Variants in SBF2 observed in about 807,000 individuals in gnomAD.
SBF2 encodes the protein SET binding factor 2.
In SBF2, 112 loss-of-function variants were observed where a neutral mutation model predicts 225.2. The ratio of observed to expected loss-of-function variants is 0.50; its 90% CI spans 0.43 to 0.58. The LOEUF (loss-of-function observed/expected upper bound fraction) is 0.58. SBF2 is among the 20% of genes least tolerant of loss of function. The pLI, the probability that SBF2 is intolerant of heterozygous loss-of-function variation, is 0.00. For missense variants in SBF2, 1,996 were observed against 2,206.2 expected (o/e 0.90, Z 1.91); for synonymous variants, 763 against 773.3 (o/e 0.99, Z 0.22).
Position 10,179,379 on chromosome 11 carries a change from CAAAAAAACAA to C in SBF2, c.141+14513_141+14522del, listed in dbSNP as rs1555065618. 4.2e-5 allele frequency among the ~76,000 whole-genome samples: 5 copies of C among 117,948 alleles called. No individual in the cohort carries two copies. The East Asian group carries it at 6.5e-4, about 15-fold the overall frequency. The allele number at this position is 117,948 out of a possible 152,430, so 77.4% of individuals were successfully genotyped here. A position where few individuals can be genotyped will look rare whatever the true frequency, so the allele number is the denominator to read the frequency against. On this transcript the variant is annotated intron_variant, in intron 2 of 39. Coordinates refer to ENST00000256190, the MANE Select transcript of SBF2 (RefSeq NM_030962.4). The stretch of plus-strand genomic sequence containing the variant: ...TTAAAAAACAAACAAAAAACAAAAA[CAAAAAAACAA>C]AAAAAAACAAAAACAAAACAAACAA...
intron 13 of SBF2, among the ~76,000 whole-genome samples, chr11:9,976,214 C>T (rs984847447): frequency 5.9e-5 from 9 of 151,852 alleles, no homozygotes; most frequent in African/African-American, 2.2e-4. Flanking sequence ...GCTGGGATTA[C>T]AGGCACATGC....
chr11:9,924,926 T>C (rs897743867), intron 16 of SBF2, among the ~76,000 whole-genome samples: 41 of 151,956 alleles, frequency 2.7e-4, no homozygotes, highest in African/African-American at 9.9e-4. Flanking sequence ...TTTTTTTATG[T>C]TTTGCAGAGA....
chr11:9,850,934 G>A (rs1856881385), intron 21 of SBF2, among the ~76,000 whole-genome samples: 1 of 151,996 alleles, frequency 6.6e-6, no homozygotes, highest in South Asian at 2.1e-4. Flanking sequence ...TCAGGAGTTC[G>A]AGACCAGCCT....
intron 2 of SBF2, among the ~76,000 whole-genome samples, chr11:10,063,001 G>T (rs1437192645): frequency 6.6e-6 from 1 of 152,144 alleles, no homozygotes; most frequent in Non-Finnish European, 1.5e-5. Flanking sequence ...GGAATATCAT[G>T]CAGCCATAAA....
intron 1 of SBF2, among the ~76,000 whole-genome samples, chr11:10,287,276 T>C (rs1375937165): frequency 3.9e-5 from 6 of 152,206 alleles, no homozygotes; most frequent in African/African-American, 1.4e-4. Context: ...GTTCCCTATC[T>C]ATCTATCTAT....
intron 1 of SBF2, among the ~76,000 whole-genome samples, chr11:10,207,937 T>C (rs547326616): frequency 5.3e-5 from 8 of 152,260 alleles, no homozygotes; most frequent in African/African-American, 1.7e-4. Flanking sequence ...AAAACACCAG[T>C]ACATTAAAGC....
At chr11:10,009,455 T>C (rs1948347244) in intron 6 of SBF2, among the ~76,000 whole-genome samples, 1 of 149,140 alleles carries the variant, frequency 6.7e-6, no homozygotes, top group Non-Finnish European at 1.5e-5. Flanking sequence ...TTCCCCTCCC[T>C]GTGTCCATGT....
chr11:9,848,135 G>A (rs748838634), intron 22 of SBF2, among the ~76,000 whole-genome samples: 4 of 152,056 alleles, frequency 2.6e-5, no homozygotes, highest in Non-Finnish European at 5.9e-5. Flanking sequence ...TTATTTAACA[G>A]CTCATACATT....
chr11:9,976,072 CTTTTTTTTT>C (rs773334975), intron 13 of SBF2, among the ~76,000 whole-genome samples: 2 of 128,262 alleles, frequency 1.6e-5, no homozygotes, highest in Non-Finnish European at 3.3e-5. Context: ...TCTTCTTCTT[CTTTTTTTTT>C]TTTTTTTTTT....
intron 1 of SBF2, among the ~76,000 whole-genome samples, chr11:10,196,856 A>ATTTT (rs1294974721): frequency 1.1e-4 from 2 of 17,836 alleles, no homozygotes; most frequent in African/African-American, 2.1e-4. Context: ...ATATATATAT[A>ATTTT]TATATATATA....
intron 2 of SBF2, among the ~76,000 whole-genome samples, chr11:10,072,129 A>T (rs181015279): frequency 6.6e-6 from 1 of 152,342 alleles, no homozygotes; most frequent in African/African-American, 2.4e-5. Flanking sequence ...AATGAAACCC[A>T]TTTACCCTTA....
chr11:10,123,384 C>CTAA (rs1953573961), intron 2 of SBF2, among the ~76,000 whole-genome samples: 1 of 152,118 alleles, frequency 6.6e-6, no homozygotes, highest in Non-Finnish European at 1.5e-5. Context: ...ACTTGTTCTA[C>CTAA]TTTATCTGTC....
chr11:9,862,297 G>A (rs767854708), intron 17 of SBF2, among the ~76,000 whole-genome samples: 3 of 152,204 alleles, frequency 2.0e-5, no homozygotes, highest in Non-Finnish European at 2.9e-5. Flanking sequence ...TCCACTGATG[G>A]GTGTTCTCAG....
chr11:10,005,442 A>G (rs940246691), intron 6 of SBF2, among the ~76,000 whole-genome samples: 1 of 152,156 alleles, frequency 6.6e-6, no homozygotes, highest in Non-Finnish European at 1.5e-5. Flanking sequence ...TCCCGAGTCA[A>G]AGCTCAAACA....
intron 1 of SBF2, among the ~76,000 whole-genome samples, chr11:10,233,449 T>C (rs1958936706): frequency 6.6e-6 from 1 of 152,056 alleles, no homozygotes; most frequent in Non-Finnish European, 1.5e-5. Flanking sequence ...GAATAATCCA[T>C]ATTTCATAAT....
intron 14 of SBF2, among the ~76,000 whole-genome samples, chr11:9,967,387 A>G (rs1380383524): frequency 2.0e-5 from 3 of 149,406 alleles, no homozygotes; most frequent in Non-Finnish European, 4.5e-5. Flanking sequence ...AAAAAAAAAA[A>G]GAAACGAAAT....
At position 9,832,332 on chromosome 11, in the gene SBF2, C is replaced by A; in HGVS notation, c.3544G>T (p.Val1182Phe). The change falls in exon 27 of 40, where the codon GTT becomes TTT. Residue 1182 changes from valine to phenylalanine, a missense_variant. Transcript: ENST00000256190. ...CTTCTTGAGTTCTTCCAACATACAACAGGCAGGCGATTGTGTCGATAGCAG... is the reference window on the plus strand; with the variant it reads ...CTTCTTGAGTTCTTCCAACATACAAAAGGCAGGCGATTGTGTCGATAGCAG... ...ARCYRHNRLP[V>F]VCWKNSRSGT... The A allele has an allele frequency of 6.2e-7, 1 of 1,614,062 alleles. No individual in the cohort carries two copies.
Position 9,856,621 on chromosome 11 carries a change from C to T in SBF2, c.2200G>A (p.Glu734Lys), listed in dbSNP as rs1458600209. The change falls in exon 19 of 40, where the codon GAG (glutamate) becomes AAG (lysine). Residue 734 changes from glutamate (E) to lysine (K), a missense_variant. Physicochemically the swap from Glu to Lys is moderately conservative, Grantham distance 56. Transcript: ENST00000256190. ...GTGCTTTCCTCATGTTGCACTAGCT[C>T]TTGCTGAGTTGACTTGCTCAGGGTA... Reference protein sequence around the residue: ...WPTLSKSTQQELVQHEESTVF... With the variant: ...WPTLSKSTQQKLVQHEESTVF... 5 of 1,614,172 alleles carry T rather than the reference C, an allele frequency of 3.1e-6. No homozygotes were observed. The Admixed American group carries it at 6.7e-5, about 22-fold the overall frequency.
chr11:9,837,588 C>T (rs1323312383), intron 26 of SBF2, among the ~76,000 whole-genome samples: 1 of 152,184 alleles, frequency 6.6e-6, no homozygotes, highest in African/African-American at 2.4e-5. Flanking sequence ...CATTATCAAC[C>T]ATCCTTTCTT....
Sources: gnomAD v4.1 joint callset for allele counts (sites outside exome capture counted in the v4.1 genomes callset) on GRCh38, gnomAD v4.1.1 for gene constraint, MANE v1.5 for transcripts, NCBI Gene and HGNC (gene_info 2026-07-23, HGNC 2026-07-21) for gene names.